The following CTNNA3 variants were observed in gnomAD, a reference collection of about 807,000 sequenced individuals.
CTNNA3 encodes the protein catenin alpha 3.
A neutral mutation model predicts 95.7 loss-of-function variants in CTNNA3; 76 were observed. The ratio of observed to expected loss-of-function variants is 0.79; its 90% CI spans 0.66 to 0.96. The LOEUF (loss-of-function observed/expected upper bound fraction) is 0.96, where lower values mean the gene tolerates loss of function less well. CTNNA3 is among the 40% of genes least tolerant of loss of function. The pLI is 0.00. For missense variants in CTNNA3, 1,191 were observed against 1,089.8 expected (o/e 1.09, Z -1.31); for synonymous variants, 431 against 374.4 (o/e 1.15, Z -1.74).
intron 13 of CTNNA3, among the ~76,000 whole-genome samples, chr10:66,196,884 T>A (rs1201296273): frequency 1.3e-5 from 2 of 152,164 alleles, no homozygotes; most frequent in East Asian, 3.9e-4. Context: ...GGATCCTCCA[T>A]GAGCTAGTGA....
At chr10:66,602,869 GA>G (rs755282799) in intron 10 of CTNNA3, among the ~76,000 whole-genome samples, 1 of 152,076 alleles carries the variant, frequency 6.6e-6, no homozygotes, top group South Asian at 2.1e-4. Flanking sequence ...AATAGATACT[GA>G]AAAAGCTTTT....
At chr10:67,195,362 T>C (rs1332646826) in intron 6 of CTNNA3, among the ~76,000 whole-genome samples, 2 of 151,834 alleles carry the variant, frequency 1.3e-5, no homozygotes, top group Non-Finnish European at 2.9e-5. Flanking sequence ...AAACTGAACA[T>C]GAATTTTGGC....
In CTNNA3 at chr10:66,610,312, G is replaced by A. The variant is rs138043641; in HGVS notation, c.1374+11380C>T. Reference sequence around the variant, plus strand: ...TGAGCTTACCCTATGTAACAAACCCGCACATGTACCCCTGAACTTAAAAGT... The same window carrying A: ...TGAGCTTACCCTATGTAACAAACCCACACATGTACCCCTGAACTTAAAAGT... On this transcript the variant is annotated intron_variant, in intron 10 of 17. Coordinates refer to ENST00000433211, the MANE Select transcript of CTNNA3 (RefSeq NM_013266.4). Among the ~76,000 whole-genome samples, 90 of 152,090 alleles carry A rather than the reference G, an allele frequency of 5.9e-4. 1 individual carries two copies. Among genetic ancestry groups the A allele is most frequent in the African/African-American group, 1.7e-3 (71 of 41,490 alleles).
At chr10:67,195,098 T>C (rs1478801229) in intron 6 of CTNNA3, among the ~76,000 whole-genome samples, 37 of 152,014 alleles carry the variant, frequency 2.4e-4, no homozygotes, top group Admixed American at 2.1e-3. Flanking sequence ...GCAGGGATGA[T>C]AGCAAAAGAA....
At chr10:67,120,281 G>A (rs1325418109) in intron 7 of CTNNA3, among the ~76,000 whole-genome samples, 1 of 151,766 alleles carries the variant, frequency 6.6e-6, no homozygotes, top group Non-Finnish European at 1.5e-5. Context: ...TTGTTAGTTT[G>A]ATCAAAAATT....
chr10:66,069,176 C>T, intron 15 of CTNNA3, 132 bp downstream of exon 15: 1 of 788,848 alleles, frequency 1.3e-6, no homozygotes, highest in Non-Finnish European at 2.1e-6. Flanking sequence ...CTACAACTTT[C>T]TAATACTATA....
chr10:66,782,957 C>A (rs1840600327), intron 7 of CTNNA3, among the ~76,000 whole-genome samples: 2 of 152,056 alleles, frequency 1.3e-5, no homozygotes, highest in South Asian at 2.1e-4. Context: ...TAGGATGAAT[C>A]ACCTCTCTTG....
At chr10:67,196,457 T>C (rs74528429) in intron 6 of CTNNA3, among the ~76,000 whole-genome samples, 8,649 of 152,052 alleles carry the variant, frequency 0.057, 362 homozygotes, top group South Asian at 0.2. Flanking sequence ...TCAATATACT[T>C]ATCAATTAAA....
At chr10:66,816,394 C>T (rs569360572) in intron 7 of CTNNA3, among the ~76,000 whole-genome samples, 2 of 151,876 alleles carry the variant, frequency 1.3e-5, no homozygotes, top group Non-Finnish European at 1.5e-5. Context: ...AGGCAAAAAT[C>T]GACTAATGGA....
chr10:66,826,902 G>A (rs930711667), intron 7 of CTNNA3, among the ~76,000 whole-genome samples: 5 of 152,166 alleles, frequency 3.3e-5, no homozygotes, highest in African/African-American at 9.6e-5. Context: ...TCCAATTACT[G>A]TCCCACTCCC....
chr10:66,203,840 T>C (rs2087588857), intron 13 of CTNNA3, among the ~76,000 whole-genome samples: 1 of 152,264 alleles, frequency 6.6e-6, no homozygotes, highest in Non-Finnish European at 1.5e-5. Flanking sequence ...CTCTATCTTC[T>C]CTGTAGAGAC....
chr10:66,574,849 C>A (rs1842962088), intron 10 of CTNNA3, among the ~76,000 whole-genome samples: 1 of 152,096 alleles, frequency 6.6e-6, no homozygotes, highest in Non-Finnish European at 1.5e-5. Flanking sequence ...AGTCTACATT[C>A]CAGATTCAGC....
chr10:66,796,472 C>T (rs948807336), intron 7 of CTNNA3, among the ~76,000 whole-genome samples: 1 of 151,622 alleles, frequency 6.6e-6, no homozygotes, highest in Admixed American at 6.6e-5. Flanking sequence ...AATAAAAGAT[C>T]GCTGATCACA....
At chr10:66,088,432 CAT>C (rs766472693) in intron 14 of CTNNA3, among the ~76,000 whole-genome samples, 22 of 148,106 alleles carry the variant, frequency 1.5e-4, no homozygotes, top group Non-Finnish European at 4.5e-5. Context: ...CATTTATCTA[CAT>C]GTTATTAATG....
chr10:66,416,607 G>A (rs778985276), intron 11 of CTNNA3, among the ~76,000 whole-genome samples: 2 of 151,622 alleles, frequency 1.3e-5, no homozygotes, highest in Non-Finnish European at 2.9e-5. Context: ...ATCAGAACAA[G>A]AGAAAATTTA....
chr10:67,108,830 GT>G (rs1293245637), intron 7 of CTNNA3, among the ~76,000 whole-genome samples: 1 of 151,928 alleles, frequency 6.6e-6, no homozygotes, highest in Non-Finnish European at 1.5e-5. Context: ...TAGCTACTCA[GT>G]TTTTTCTAGT....
intron 5 of CTNNA3, among the ~76,000 whole-genome samples, chr10:67,240,808 A>G (rs1224251259): frequency 6.6e-6 from 1 of 152,142 alleles, no homozygotes; most frequent in Non-Finnish European, 1.5e-5. Flanking sequence ...AATGCGGACT[A>G]CTGTGTCAGT....
chr10:66,728,513 A>G (rs770539332), intron 9 of CTNNA3, among the ~76,000 whole-genome samples: 2 of 152,162 alleles, frequency 1.3e-5, no homozygotes, highest in Non-Finnish European at 2.9e-5. Flanking sequence ...CCCCATGCCT[A>G]TGTCCTGAAT....
At chr10:67,639,398 C>G (rs756132886) in intron 2 of CTNNA3, among the ~76,000 whole-genome samples, 2 of 152,106 alleles carry the variant, frequency 1.3e-5, no homozygotes, top group East Asian at 1.9e-4. Flanking sequence ...CAGGACCAGA[C>G]AGATTCACAG....
Sources: allele counts gnomAD v4.1 joint callset (sites outside exome capture counted in the v4.1 genomes callset), GRCh38; gene constraint gnomAD v4.1.1; transcripts MANE v1.5; gene names NCBI Gene and HGNC (gene_info 2026-07-23, HGNC 2026-07-21).